The following CLIC4 variants were observed in gnomAD, a reference collection of about 807,000 sequenced individuals.
CLIC4 encodes the protein CLIC family member 4.
A neutral mutation model predicts 24.6 loss-of-function variants in CLIC4; 13 were observed. That is an observed-to-expected ratio of 0.53 (90% CI 0.34 to 0.84). The LOEUF is 0.84. Among genes scored for constraint, CLIC4 ranks in the 40% least tolerant of loss-of-function variants. The probability of loss-of-function intolerance (pLI) is 0.01; values close to 1 mark genes in which losing one functional copy is unlikely to be tolerated. For synonymous variants in CLIC4, 104 were observed against 111.3 expected (o/e 0.93, Z 0.41); for missense variants, 227 against 301.7 (o/e 0.75, Z 1.83).
At chr1:24,806,804 G>A (rs550957085) in intron 2 of CLIC4, among the ~76,000 whole-genome samples, 3 of 152,164 alleles carry the variant, frequency 2.0e-5, no homozygotes, top group South Asian at 2.1e-4. Context: ...TCACTTTCAC[G>A]TGCCTTATTT....
At chr1:24,790,686 G>A (rs1639323835) in intron 1 of CLIC4, among the ~76,000 whole-genome samples, 2 of 152,108 alleles carry the variant, frequency 1.3e-5, no homozygotes, top group African/African-American at 2.4e-5. Context: ...ACTCTGTTAG[G>A]CCTCCTCTGA....
intron 1 of CLIC4, among the ~76,000 whole-genome samples, chr1:24,781,647 A>T (rs1448206351): frequency 6.6e-6 from 1 of 151,302 alleles, no homozygotes; most frequent in Non-Finnish European, 1.5e-5. Flanking sequence ...GGAAAAGAAG[A>T]TGGAGAACTT....
At chr1:24,765,522 T>C (rs1426694179) in intron 1 of CLIC4, among the ~76,000 whole-genome samples, 1 of 152,168 alleles carries the variant, frequency 6.6e-6, no homozygotes, top group African/African-American at 2.4e-5. Flanking sequence ...ATTTACTTGT[T>C]TTTCCTTGCA....
At chr1:24,825,060 A>T (rs4649021) in intron 3 of CLIC4, among the ~76,000 whole-genome samples, 147,755 of 151,082 alleles carry the variant, frequency 0.98, 72,319 homozygotes, top group East Asian at 1. Context: ...AATTAGTAAT[A>T]CATCTCAGAG....
chr1:24,775,224 C>CTTTTTTTTTTTTTTTTTTTTTTTT, intron 1 of CLIC4, among the ~76,000 whole-genome samples: 4 of 90,666 alleles, frequency 4.4e-5, no homozygotes, highest in African/African-American at 4.4e-5. Context: ...TTCTTTCTTT[C>CTTTTTTTTTTTTTTTTTTTTTTTT]TTTTTTTTTT....
chr1:24,837,277 G>A (rs1639895776), intron 4 of CLIC4, among the ~76,000 whole-genome samples: 1 of 152,064 alleles, frequency 6.6e-6, no homozygotes, highest in Non-Finnish European at 1.5e-5. Flanking sequence ...ATTTTTGGAG[G>A]ATATTATGAA....
At chr1:24,761,176 A>T (rs74322817) in intron 1 of CLIC4, among the ~76,000 whole-genome samples, 2,291 of 152,298 alleles carry the variant, frequency 0.015, 52 homozygotes, top group African/African-American at 0.053. Context: ...GGCTGTGGGA[A>T]GGGCTAGTTC....
chr1:24,807,793 A>C (rs1178139514), intron 2 of CLIC4, among the ~76,000 whole-genome samples: 1 of 152,260 alleles, frequency 6.6e-6, no homozygotes, highest in Non-Finnish European at 1.5e-5. Flanking sequence ...TCTTAAAAAA[A>C]ACTGTTTGTG....
intron 1 of CLIC4, among the ~76,000 whole-genome samples, chr1:24,775,220 CTTTCTTTTTTT>C (rs1477790503): frequency 1.3e-5 from 1 of 77,034 alleles, no homozygotes; most frequent in African/African-American, 5.1e-5. Context: ...TCCTTTCTTT[CTTTCTTTTTTT>C]TTTTTTTTTT....
intron 1 of CLIC4, among the ~76,000 whole-genome samples, chr1:24,790,832 A>G (rs1253918312): frequency 6.6e-6 from 1 of 152,140 alleles, no homozygotes; most frequent in Admixed American, 6.5e-5. Flanking sequence ...AAATATATAA[A>G]CTAAAAAAAA....
chr1:24,788,209 C>T (rs1404210951), intron 1 of CLIC4, among the ~76,000 whole-genome samples: 1 of 151,902 alleles, frequency 6.6e-6, no homozygotes, highest in Non-Finnish European at 1.5e-5. Flanking sequence ...AGGCTGATCT[C>T]GAACTCCTGA....
At chr1:24,794,357 T>TG (rs1224601732) in intron 1 of CLIC4, among the ~76,000 whole-genome samples, 3 of 151,948 alleles carry the variant, frequency 2.0e-5, no homozygotes, top group South Asian at 2.1e-4. Context: ...ATCTGTTTTT[T>TG]TTTTTTTTTT....
At chr1:24,760,955 G>T (rs1446103078) in intron 1 of CLIC4, among the ~76,000 whole-genome samples, 2 of 152,142 alleles carry the variant, frequency 1.3e-5, no homozygotes, top group Non-Finnish European at 2.9e-5. Flanking sequence ...ACTAATTAGA[G>T]GTGACTTTTC....
At chr1:24,758,538 A>G (rs1008760546) in intron 1 of CLIC4, among the ~76,000 whole-genome samples, 6 of 151,534 alleles carry the variant, frequency 4.0e-5, no homozygotes, top group Admixed American at 3.3e-4. Context: ...GCTCACTGCA[A>G]CCTCCACCTC....
At chr1:24,765,996 A>T (rs1397016478) in intron 1 of CLIC4, among the ~76,000 whole-genome samples, 1 of 150,830 alleles carries the variant, frequency 6.6e-6, no homozygotes, top group Non-Finnish European at 1.5e-5. Context: ...AATTTGTTTA[A>T]ATTTTAATTT....
chr1:24,831,089 A>AT (rs1380758106), intron 4 of CLIC4, among the ~76,000 whole-genome samples: 1 of 152,158 alleles, frequency 6.6e-6, no homozygotes, highest in Non-Finnish European at 1.5e-5. Flanking sequence ...TACCCTTGTT[A>AT]TGACATTCTT....
At chr1:24,812,454 C>A (rs1233033321) in intron 2 of CLIC4, among the ~76,000 whole-genome samples, 1 of 152,056 alleles carries the variant, frequency 6.6e-6, no homozygotes, top group Non-Finnish European at 1.5e-5. Flanking sequence ...AAAAAAAGGC[C>A]TAGGGAAGTC....
At chr1:24,838,358 G>T (rs576807428) in intron 4 of CLIC4, among the ~76,000 whole-genome samples, 21 of 152,214 alleles carry the variant, frequency 1.4e-4, no homozygotes, top group African/African-American at 5.1e-4. Context: ...AACTCTGTTA[G>T]TTTTTATTTC....
chr1:24,748,507 T>TTTG (rs1553188255), intron 1 of CLIC4, among the ~76,000 whole-genome samples: 1 of 142,870 alleles, frequency 7.0e-6, no homozygotes, highest in Non-Finnish European at 1.5e-5. Flanking sequence ...TTGTTTTTTT[T>TTTG]TTTTTTTTTT....
Sources: gnomAD v4.1 joint callset for allele counts (sites outside exome capture counted in the v4.1 genomes callset) on GRCh38, gnomAD v4.1.1 for gene constraint, MANE v1.5 for transcripts, NCBI Gene and HGNC (gene_info 2026-07-23, HGNC 2026-07-21) for gene names.